RNLS: variants seen among roughly 807,000 people sequenced by gnomAD.
The protein encoded by RNLS is renalase.
A neutral mutation model predicts 39.8 loss-of-function variants in RNLS; 39 were observed. The ratio of observed to expected loss-of-function variants is 0.98; its 90% CI spans 0.76 to 1.28. RNLS has a LOEUF of 1.28. RNLS is among the 50% of genes most tolerant of loss of function. The pLI is 0.00. For missense variants in RNLS, 410 were observed against 413.3 expected, an observed-to-expected ratio of 0.99 and a Z score of 0.07; for synonymous variants, 147 against 150.7, an observed-to-expected ratio of 0.98 and a Z score of 0.18.
At chr10:88,298,409 A>C (rs1312404894) in intron 6 of RNLS, among the ~76,000 whole-genome samples, 2 of 152,152 alleles carry the variant, frequency 1.3e-5, no homozygotes, top group Non-Finnish European at 2.9e-5. Context: ...ACCATTGCCA[A>C]ATCCGAGGTT....
intron 4 of RNLS, among the ~76,000 whole-genome samples, chr10:88,385,262 ACT>A (rs1411205364): frequency 6.6e-6 from 1 of 152,194 alleles, no homozygotes; most frequent in African/African-American, 2.4e-5. Context: ...GGATAAAAAG[ACT>A]CTGAAAGTAC....
rs139748016 is a variant in RNLS at position 88,577,832 on chromosome 10, T to A, written c.367+3735A>T. Among the ~76,000 whole-genome samples, 6 of 152,274 alleles carry A rather than the reference T, an allele frequency of 3.9e-5. No individual in the cohort carries two copies. In the East Asian group the frequency reaches 1.2e-3, roughly 29 times the overall value. ...GAAGAAAGCATCTATTTCCTTTACC[T>A]TTTACTATTTGTTCTGGGAAATTGG... On this transcript the variant is annotated intron_variant, in intron 3 of 6. Coordinates refer to ENST00000331772, the MANE Select transcript of RNLS (RefSeq NM_001031709.3).
At chr10:88,444,675 C>T (rs917548068) in intron 4 of RNLS, among the ~76,000 whole-genome samples, 2 of 152,132 alleles carry the variant, frequency 1.3e-5, no homozygotes, top group Non-Finnish European at 2.9e-5. Context: ...ATGATGAATG[C>T]ACAAGCTTCA....
intron 4 of RNLS, among the ~76,000 whole-genome samples, chr10:88,487,299 C>T (rs1401728103): frequency 1.3e-5 from 2 of 151,806 alleles, no homozygotes; most frequent in Non-Finnish European, 2.9e-5. Context: ...AATAAACCGC[C>T]ATGACACATG....
the RNLS span, among the ~76,000 whole-genome samples, chr10:88,187,796 T>C: frequency 6.6e-6 from 1 of 152,250 alleles, no homozygotes; most frequent in Admixed American, 6.5e-5. Flanking sequence ...TAATTATGAA[T>C]AATCTCTCTT....
At chr10:88,215,448 A>G in the RNLS span, among the ~76,000 whole-genome samples, 2 of 152,142 alleles carry the variant, frequency 1.3e-5, no homozygotes, top group African/African-American at 4.8e-5. Context: ...AGGTCTTTCT[A>G]ACTGACAGAT....
At chr10:88,382,906 T>C (rs1851638435) in intron 4 of RNLS, among the ~76,000 whole-genome samples, 1 of 152,220 alleles carries the variant, frequency 6.6e-6, no homozygotes, top group South Asian at 2.1e-4. Context: ...AAGGGGAATC[T>C]TCTAAGATGT....
intron 4 of RNLS, among the ~76,000 whole-genome samples, chr10:88,471,707 G>A (rs1170113778): frequency 6.6e-6 from 1 of 152,190 alleles, no homozygotes; most frequent in Admixed American, 6.6e-5. Context: ...AGGAAAGGGA[G>A]AAGGTACATG....
intron 6 of RNLS, among the ~76,000 whole-genome samples, chr10:88,300,040 C>T (rs1844399028): frequency 6.6e-6 from 1 of 152,120 alleles, no homozygotes; most frequent in Admixed American, 6.5e-5. Context: ...AGCCAGAACT[C>T]AAAAAATTAC....
the RNLS span, among the ~76,000 whole-genome samples, chr10:88,254,553 T>C: frequency 6.6e-6 from 1 of 152,218 alleles, no homozygotes; most frequent in Non-Finnish European, 1.5e-5. Context: ...CCCAGGTATA[T>C]TCCTGCTCTT....
At chr10:88,504,879 G>GT (rs1278483451) in intron 4 of RNLS, among the ~76,000 whole-genome samples, 4 of 150,952 alleles carry the variant, frequency 2.6e-5, no homozygotes, top group Non-Finnish European at 4.4e-5. Context: ...GTGTGTGTGT[G>GT]TAGATATTTT....
At chr10:88,183,354 C>T in the RNLS span, among the ~76,000 whole-genome samples, 1 of 152,138 alleles carries the variant, frequency 6.6e-6, no homozygotes, top group Non-Finnish European at 1.5e-5. Context: ...CCTTCTTTTT[C>T]ACTTTCACAC....
Position 88,362,671 on chromosome 10 carries a change from T to C in RNLS, c.581A>G (p.Tyr194Cys), listed in dbSNP as rs1849736643. Residue 194 changes from tyrosine to cysteine, a missense_variant, in exon 5 of 7, where the codon TAT (tyrosine) becomes TGT (cysteine). By Grantham distance (194) the Tyr-to-Cys change is radical. Transcript: ENST00000331772. ...QLEAVSYSSR[Y>C]ALGLFYEAGT... is the part of the protein sequence containing the mutation. Reference sequence around the variant, plus strand: ...AGCTTCATAAAAGAGGCCCAGAGCATATCGAGAGGAGTAGCTCACAGCCTC... The same window carrying C: ...AGCTTCATAAAAGAGGCCCAGAGCACATCGAGAGGAGTAGCTCACAGCCTC... 6.2e-7 allele frequency: 1 copy of C among 1,613,864 alleles called. No homozygotes were observed. The highest frequency in any genetic ancestry group is 8.5e-7 in the Non-Finnish European group (1 of 1,179,894).
intron 6 of RNLS, among the ~76,000 whole-genome samples, chr10:88,306,714 G>A (rs1844946791): frequency 6.6e-6 from 1 of 152,028 alleles, no homozygotes; most frequent in African/African-American, 2.4e-5. Flanking sequence ...AAAATCTCAG[G>A]ACCAAACAGA....
At chr10:88,482,111 T>C (rs1026500819) in intron 4 of RNLS, among the ~76,000 whole-genome samples, 2 of 152,198 alleles carry the variant, frequency 1.3e-5, no homozygotes, top group Non-Finnish European at 2.9e-5. Flanking sequence ...ACAGTTTGAC[T>C]GTTGTGTGTC....
chr10:88,372,037 A>G (rs1850597692), intron 4 of RNLS, among the ~76,000 whole-genome samples: 1 of 152,188 alleles, frequency 6.6e-6, no homozygotes, highest in South Asian at 2.1e-4. Context: ...CTAAAATACA[A>G]TAATACTTAA....
chr10:88,541,226 GA>G (rs1848022432), intron 4 of RNLS, among the ~76,000 whole-genome samples: 1 of 152,154 alleles, frequency 6.6e-6, no homozygotes, highest in South Asian at 2.1e-4. Flanking sequence ...AAGTTCCAAT[GA>G]CAAGTTTAAT....
intron 5 of RNLS, among the ~76,000 whole-genome samples, chr10:88,316,137 G>A (rs1409459661): frequency 1.3e-5 from 2 of 152,276 alleles, no homozygotes; most frequent in East Asian, 3.9e-4. Flanking sequence ...TATACGAGGT[G>A]AGGGACCTGA....
chr10:88,292,055 A>G (rs540700506), intron 6 of RNLS, among the ~76,000 whole-genome samples: 1 of 152,214 alleles, frequency 6.6e-6, no homozygotes, highest in African/African-American at 2.4e-5. Context: ...AAGCACTAAC[A>G]AAACCAATAA....
Sources: allele counts gnomAD v4.1 joint callset (sites outside exome capture counted in the v4.1 genomes callset), GRCh38; gene constraint gnomAD v4.1.1; transcripts MANE v1.5; gene names NCBI Gene and HGNC (gene_info 2026-07-23, HGNC 2026-07-21).